Variants in CBR4 observed in about 807,000 individuals in gnomAD.
CBR4 encodes 3-oxoacyl-[acyl-carrier-protein] reductase.
CBR4 carries 22 observed loss-of-function variants against 21.0 expected under a neutral mutation model. The observed-to-expected ratio is 1.05, with a 90% confidence interval of 0.75 to 1.50. CBR4 has a LOEUF of 1.50. CBR4 is among the 40% of genes most tolerant of loss of function. CBR4 has a pLI of 0.00. For missense variants in CBR4, 302 were observed against 286.3 expected (o/e 1.05, Z -0.40); for synonymous variants, 100 against 104.4 (o/e 0.96, Z 0.26).
At chr4:168,896,174 C>T (rs1015864138) in intron 2 of CBR4, among the ~76,000 whole-genome samples, 3 of 149,078 alleles carry the variant, frequency 2.0e-5, no homozygotes, top group Non-Finnish European at 3.0e-5. Flanking sequence ...CGTGCCACTG[C>T]ACTCCAGCCA....
chr4:168,961,971 AGGAGAGGAGAGGAGAGGAG>A (rs1763873264), intron 2 of CBR4, among the ~76,000 whole-genome samples: 4 of 143,648 alleles, frequency 2.8e-5, no homozygotes, highest in Non-Finnish European at 4.6e-5. Context: ...AGGAGAGGAG[AGGAGAGGAGAGGAGAGGAG>A]AGGAAAGGAA....
At chr4:168,987,336 T>C (rs547898053), downstream of CBR4, among the ~76,000 whole-genome samples, 1 of 152,320 alleles carries the variant, frequency 6.6e-6, no homozygotes, top group African/African-American at 2.4e-5. Context: ...TCCCCAACTA[T>C]GGCACAATGT....
chr4:168,940,425 C>T (rs1206397723), intron 2 of CBR4, among the ~76,000 whole-genome samples: 1 of 152,112 alleles, frequency 6.6e-6, no homozygotes, highest in Non-Finnish European at 1.5e-5. Context: ...GCAACAAAAG[C>T]CAAAATTGAC....
chr4:168,894,527 A>G, intron 3 of CBR4: 1 of 1,116,390 alleles, frequency 9.0e-7, no homozygotes, highest in Non-Finnish European at 1.4e-6. Flanking sequence ...AGGGCAGTAC[A>G]TATTTGTGAT....
rs67305871 is a variant in CBR4 at position 169,010,175 on chromosome 4, CAA to C, written c.-88_-87del. On this transcript the variant is annotated 5_prime_UTR_variant, in exon 1 of 5. Transcript: ENST00000306193. ...TCAGGCTTTTAAACAACCGCGGTTC[CAA>C]AAAAAAAAAAAAGAAAAAAAAAGGC... 0.095 allele frequency: 61,582 copies of C among 647,216 alleles called. 9 individuals are homozygous for C. Among genetic ancestry groups the C allele is most frequent in the East Asian group, 0.18 (3,546 of 20,094 alleles). The allele number at this position is 647,216 out of a possible 1,614,324, so 40.1% of individuals were successfully genotyped here. A position where few individuals can be genotyped will look rare whatever the true frequency, so the allele number is the denominator to read the frequency against.
chr4:168,919,261 C>G (rs1487129779), intron 2 of CBR4, among the ~76,000 whole-genome samples: 1 of 152,100 alleles, frequency 6.6e-6, no homozygotes, highest in South Asian at 2.1e-4. Context: ...ACGTGGGTCA[C>G]GCCTGTAATC....
chr4:168,970,636 C>T (rs1049681084), intron 2 of CBR4, among the ~76,000 whole-genome samples: 1 of 152,002 alleles, frequency 6.6e-6, no homozygotes, highest in Non-Finnish European at 1.5e-5. Context: ...CCCTCACCCC[C>T]CTCCCACCCT....
At chr4:169,003,541 G>C (rs1317395552) in intron 3 of CBR4, among the ~76,000 whole-genome samples, 2 of 152,196 alleles carry the variant, frequency 1.3e-5, no homozygotes, top group Non-Finnish European at 2.9e-5. Flanking sequence ...AGTTGATAAA[G>C]CAATAGCAGG....
chr4:168,959,074 T>A lies in CBR4; in HGVS notation n.169+42997A>T, dbSNP rs1763769133. Among the ~76,000 whole-genome samples the A allele has an allele frequency of 1.3e-5, 2 of 152,150 alleles. 1 individual carries two copies. The highest frequency in any genetic ancestry group is 4.1e-4 in the South Asian group (2 of 4,832). ...AACCCAATTTACCATTTTTTTTCTG[T>A]ATGGTTTATGTTTTTGGTGTCTTAT... On this transcript the variant is annotated intron_variant and non_coding_transcript_variant, in intron 2 of 3. Transcript: ENST00000509108.
At position 169,007,776 on chromosome 4, in the gene CBR4, A is replaced by C; in HGVS notation, c.143-20T>G. 6.5e-7 allele frequency: 1 copy of C among 1,549,508 alleles called. No individual in the cohort carries two copies. Among genetic ancestry groups the C allele is most frequent in the Non-Finnish European group, 8.7e-7 (1 of 1,148,052 alleles). On this transcript the variant is annotated intron_variant, in intron 1 of 4. Transcript: ENST00000306193. ...GATCTCCTACACAACAAAGTTAAATAAGAATTACTTATAACTCAAATTTTA... is the reference window on the plus strand; with the variant it reads ...GATCTCCTACACAACAAAGTTAAATCAGAATTACTTATAACTCAAATTTTA...
Position 169,010,107 on chromosome 4 carries a change from G to C in CBR4, c.-18C>G. 1 of 1,601,718 alleles carries C rather than the reference G, an allele frequency of 6.2e-7. No individual in the cohort carries two copies. The highest frequency in any genetic ancestry group is 1.7e-5 in the Admixed American group (1 of 58,714). Reference sequence around the variant, plus strand: ...TTGTCCATCTCGGAGTCACAAACTCGGAGGAAAGAGGGTAGGGAGTGGGAG... The same window carrying C: ...TTGTCCATCTCGGAGTCACAAACTCCGAGGAAAGAGGGTAGGGAGTGGGAG... On this transcript the variant is annotated 5_prime_UTR_variant, in exon 1 of 5. Coordinates refer to ENST00000306193, the MANE Select transcript of CBR4 (RefSeq NM_032783.5).
intron 2 of CBR4, among the ~76,000 whole-genome samples, chr4:168,909,409 C>T (rs192008130): frequency 3.0e-4 from 46 of 152,250 alleles, no homozygotes; most frequent in Non-Finnish European, 2.2e-4. Flanking sequence ...ATGAAATAAT[C>T]TTTACAAGCT....
intron 2 of CBR4, among the ~76,000 whole-genome samples, chr4:168,930,362 G>GA (rs1762939588): frequency 1.3e-5 from 2 of 152,176 alleles, no homozygotes; most frequent in South Asian, 4.2e-4. Flanking sequence ...AAAATTTGAG[G>GA]AAAGCCTAAT....
intron 2 of CBR4, among the ~76,000 whole-genome samples, chr4:168,948,547 G>A (rs1317220286): frequency 1.3e-5 from 2 of 152,126 alleles, no homozygotes; most frequent in African/African-American, 4.8e-5. Context: ...TTTGTATAAG[G>A]TGAGAAATGA....
intron 2 of CBR4, among the ~76,000 whole-genome samples, chr4:168,930,494 A>G (rs1762944773): frequency 1.3e-5 from 2 of 152,238 alleles, no homozygotes; most frequent in South Asian, 4.1e-4. Flanking sequence ...TATGAAAAAC[A>G]GCATTTGACG....
Position 168,987,726 on chromosome 4 carries a change from G to T in CBR4, c.*2424C>A, listed in dbSNP as rs1182700646. On this transcript the variant is annotated 3_prime_UTR_variant, in exon 5 of 5. Coordinates refer to ENST00000306193, the MANE Select transcript of CBR4 (RefSeq NM_032783.5). ...TCACCAATGTTAAGGTACAACTCTT[G>T]AATATGCAGCGTAGTCTTCTCTCTT... is the stretch of plus-strand genomic sequence containing the variant. 4.1e-6 allele frequency: 4 copies of T among 984,640 alleles called. No homozygotes were observed. Among genetic ancestry groups the T allele is most frequent in the Non-Finnish European group, 1.2e-6 (1 of 829,372 alleles). 61.0% of individuals were successfully genotyped at this position (984,640 alleles called of 1,614,324 possible). A position where few individuals can be genotyped will look rare whatever the true frequency, so the allele number is the denominator to read the frequency against.
chr4:168,915,122 G>A (rs1759842084), intron 2 of CBR4, among the ~76,000 whole-genome samples: 1 of 152,030 alleles, frequency 6.6e-6, no homozygotes, highest in Admixed American at 6.6e-5. Context: ...CTTAGAGAAG[G>A]GTAAACTATA....
chr4:169,006,014 G>C (rs1001000776), intron 3 of CBR4: 1 of 781,016 alleles, frequency 1.3e-6, no homozygotes, highest in African/African-American at 1.8e-5. Context: ...TGCATTTTAA[G>C]TTCTACAGGC....
In CBR4 at chr4:168,953,399, A is replaced by C. The variant is rs112278515; in HGVS notation, n.169+48672T>G. Among the ~76,000 whole-genome samples, 140 of 152,222 alleles carry C rather than the reference A, an allele frequency of 9.2e-4. 1 individual carries two copies. The highest frequency in any genetic ancestry group is 3.2e-3 in the African/African-American group (135 of 41,542). On this transcript the variant is annotated intron_variant and non_coding_transcript_variant, in intron 2 of 3. Transcript: ENST00000509108. ...AAACAGTAGATTTAGAGGCTTAATA[A>C]AACCTACATTCACTCTGATCTGCAT... is the stretch of plus-strand genomic sequence containing the variant.
Sources: gnomAD v4.1 joint callset for allele counts (sites outside exome capture counted in the v4.1 genomes callset) on GRCh38, gnomAD v4.1.1 for gene constraint, MANE v1.5 for transcripts, NCBI Gene and HGNC (gene_info 2026-07-23, HGNC 2026-07-21) for gene names.